The following CLSTN1 variants were observed in gnomAD, a reference collection of about 807,000 sequenced individuals.
The protein encoded by CLSTN1 is calsyntenin 1.
CLSTN1 carries 28 observed loss-of-function variants against 108.3 expected under a neutral mutation model. The observed-to-expected ratio is 0.26, with a 90% CI of 0.19 to 0.35. The LOEUF (loss-of-function observed/expected upper bound fraction) is 0.35. CLSTN1 is among the 10% of genes least tolerant of loss of function. The probability of loss-of-function intolerance (pLI) is 1.00; values close to 1 mark genes in which losing one functional copy is unlikely to be tolerated. For synonymous variants in CLSTN1, 524 were observed against 534.9 expected (o/e 0.98, Z 0.28); for missense variants, 1,157 against 1,302.6 (o/e 0.89, Z 1.72).
chr1:9,731,688 G>A (rs1475365308), intron 17 of CLSTN1, 73 bp downstream of exon 17: 2 of 1,443,652 alleles, frequency 1.4e-6, no homozygotes, highest in Non-Finnish European at 1.9e-6. Flanking sequence ...GCAGGAGGCT[G>A]TGCCCACGGT....
intron 2 of CLSTN1, 95 bp from the exon 3 acceptor site, chr1:9,756,605 A>T (rs185605919): frequency 2.0e-6 from 2 of 979,892 alleles, no homozygotes; most frequent in Admixed American, 4.3e-5. Flanking sequence ...CATATTACAC[A>T]TTTCCACACC....
chr1:9,802,131 AG>A (rs1173784051), intron 1 of CLSTN1, among the ~76,000 whole-genome samples: 1 of 152,226 alleles, frequency 6.6e-6, no homozygotes. Flanking sequence ...AGAGCTAATG[AG>A]CCGCAGACTT....
At chr1:9,806,736 G>A (rs537924165) in intron 1 of CLSTN1, among the ~76,000 whole-genome samples, 109 of 152,008 alleles carry the variant, frequency 7.2e-4, no homozygotes, top group African/African-American at 1.9e-3. Context: ...AAAATTAACC[G>A]GGCGTGGTGG....
chr1:9,811,195 G>A (rs866997063), intron 1 of CLSTN1, among the ~76,000 whole-genome samples: 2 of 152,168 alleles, frequency 1.3e-5, no homozygotes, highest in South Asian at 2.1e-4. Context: ...GTCAGCAGAA[G>A]GGAGGGGAAA....
chr1:9,735,837 T>C, intron 12 of CLSTN1, 48 bp downstream of exon 12: 6 of 1,606,068 alleles, frequency 3.7e-6, no homozygotes, highest in Non-Finnish European at 5.1e-6. Flanking sequence ...TCCGGGGCTG[T>C]AGTCTAAGGG....
intron 1 of CLSTN1, among the ~76,000 whole-genome samples, chr1:9,789,204 T>C (rs1443602971): frequency 6.6e-6 from 1 of 151,440 alleles, no homozygotes; most frequent in African/African-American, 2.4e-5. Flanking sequence ...GACTGCTGGA[T>C]CATACGGTGA....
At chr1:9,744,164 C>T (rs1197716292) in intron 8 of CLSTN1, among the ~76,000 whole-genome samples, 159 bp from the exon 9 acceptor site, 2 of 152,230 alleles carry the variant, frequency 1.3e-5, no homozygotes, top group Non-Finnish European at 2.9e-5. Flanking sequence ...CTTGGGCTTT[C>T]CTGAGAGGCG....
intron 9 of CLSTN1, among the ~76,000 whole-genome samples, chr1:9,743,450 T>C (rs1241970474): frequency 6.6e-6 from 1 of 152,180 alleles, no homozygotes; most frequent in Admixed American, 6.5e-5. Context: ...GTGTCTGTAG[T>C]CCCAGCTACT....
intron 1 of CLSTN1, among the ~76,000 whole-genome samples, chr1:9,779,051 G>A (rs931187904): frequency 9.9e-5 from 15 of 151,334 alleles, no homozygotes; most frequent in Non-Finnish European, 1.8e-4. Flanking sequence ...AGAAGAAGAA[G>A]AAGAAGGCTG....
chr1:9,790,592 A>G (rs1391411366), intron 1 of CLSTN1, among the ~76,000 whole-genome samples: 1 of 151,412 alleles, frequency 6.6e-6, no homozygotes, highest in Non-Finnish European at 1.5e-5. Flanking sequence ...GTATATTTCA[A>G]TTCACTTTTC....
chr1:9,808,555 T>C (rs769625273), intron 1 of CLSTN1, among the ~76,000 whole-genome samples: 1 of 152,136 alleles, frequency 6.6e-6, no homozygotes, highest in Non-Finnish European at 1.5e-5. Flanking sequence ...GGAAACAATG[T>C]ATCAAGACAA....
chr1:9,755,120 G>A lies in CLSTN1; in HGVS notation c.434C>T (p.Ser145Phe). The change falls in exon 4 of 19, where the codon TCT becomes TTT. Residue 145 changes from serine (S) to phenylalanine (F), a missense_variant. By Grantham distance (155) the Ser-to-Phe change is radical. Coordinates refer to ENST00000377298, the MANE Select transcript of CLSTN1 (RefSeq NM_001009566.3). ...CTTTGTCCAGCTTACTTACTTATGAGACTTTTTCACGTTGGTGCCATCAGG... is the reference window on the plus strand; with the variant it reads ...CTTTGTCCAGCTTACTTACTTATGAAACTTTTTCACGTTGGTGCCATCAGG... ...KGPDGTNVKK[S>F]HKATVHIQVN... The A allele has an allele frequency of 6.2e-7, 1 of 1,609,312 alleles. No individual in the cohort carries two copies. Among genetic ancestry groups the A allele is most frequent in the South Asian group, 1.1e-5 (1 of 90,892 alleles).
In CLSTN1 at chr1:9,788,088, C is replaced by T. The variant is rs140651275; in HGVS notation, c.92-14694G>A. 2.4e-4 allele frequency among the ~76,000 whole-genome samples: 37 copies of T among 151,398 alleles called. 1 individual carries two copies. The East Asian group carries it at 7.4e-3, about 30-fold the overall frequency. On this transcript the variant is annotated intron_variant, in intron 1 of 18. Coordinates refer to ENST00000377298, the MANE Select transcript of CLSTN1 (RefSeq NM_001009566.3). ...CGGCCAACCTGGCGAGACCCCGTCT[C>T]TACAAAAAATACAAAAATTAGCCAG...
At chr1:9,813,779 T>C (rs1017644582) in intron 1 of CLSTN1, among the ~76,000 whole-genome samples, 26 of 152,096 alleles carry the variant, frequency 1.7e-4, no homozygotes, top group African/African-American at 6.3e-4. Context: ...TTCAACTATT[T>C]TGAAGTGGTC....
chr1:9,741,316 C>T, intron 9 of CLSTN1, 60 bp from the exon 10 acceptor site: 2 of 1,508,402 alleles, frequency 1.3e-6, no homozygotes, highest in Non-Finnish European at 1.8e-6. Flanking sequence ...TCATCAATGC[C>T]CATGGAAACC....
chr1:9,763,342 T>C (rs1323692094), intron 2 of CLSTN1, among the ~76,000 whole-genome samples: 2 of 152,228 alleles, frequency 1.3e-5, no homozygotes, highest in Admixed American at 6.5e-5. Flanking sequence ...ACTACAGCAG[T>C]GGCTCTCAAA....
At chr1:9,818,742 A>G (rs1327791792) in intron 1 of CLSTN1, among the ~76,000 whole-genome samples, 1 of 139,364 alleles carries the variant, frequency 7.2e-6, no homozygotes, top group Non-Finnish European at 1.6e-5. Flanking sequence ...AACATTTTAA[A>G]TTTCACTTAT....
chr1:9,773,844 C>T (rs999808657), intron 1 of CLSTN1, among the ~76,000 whole-genome samples: 1 of 152,078 alleles, frequency 6.6e-6, no homozygotes, highest in African/African-American at 2.4e-5. Flanking sequence ...GGTGATCCTC[C>T]CACTCAGCCT....
At position 9,758,177 on chromosome 1, in the gene CLSTN1, G is replaced by A. The variant is rs556582652; in HGVS notation, c.215-1667C>T. ...CCTGGCTAATTTTGTATTTTTAGTA[G>A]AGATGGGGTTTCTCTGTGTTGGTCA... On this transcript the variant is annotated intron_variant, in intron 2 of 18. Coordinates refer to ENST00000377298, the MANE Select transcript of CLSTN1 (RefSeq NM_001009566.3). Among the ~76,000 whole-genome samples, 8 of 152,172 alleles carry A rather than the reference G, an allele frequency of 5.3e-5. No homozygotes were observed. In the South Asian group the frequency reaches 1.5e-3, roughly 28 times the overall value.
Sources: gnomAD v4.1 joint callset for allele counts (sites outside exome capture counted in the v4.1 genomes callset) on GRCh38, gnomAD v4.1.1 for gene constraint, MANE v1.5 for transcripts, NCBI Gene and HGNC (gene_info 2026-07-23, HGNC 2026-07-21) for gene names.